ABCA5: variants seen among roughly 807,000 people sequenced by gnomAD.
The protein encoded by ABCA5 is ATP binding cassette subfamily A member 5.
A neutral mutation model predicts 206.0 loss-of-function variants in ABCA5; 163 were observed. The ratio of observed to expected loss-of-function variants is 0.79; its 90% CI spans 0.70 to 0.90. The LOEUF is 0.90. Ranked by LOEUF, ABCA5 falls within the 40% of genes least tolerant of loss-of-function variation. The pLI is 0.00. For synonymous variants in ABCA5, 609 were observed against 613.8 expected (o/e 0.99, Z 0.11); for missense variants, 1,859 against 1,912.9 (o/e 0.97, Z 0.53).
intron 1 of ABCA5, among the ~76,000 whole-genome samples, chr17:69,323,930 T>G (rs2075882185): frequency 6.6e-6 from 1 of 152,184 alleles, no homozygotes; most frequent in Non-Finnish European, 1.5e-5. Context: ...TATATGAAAT[T>G]CAAATTTCAG....
At chr17:69,261,591 T>A in intron 25 of ABCA5, 44 bp downstream of exon 25, 1 of 901,472 alleles carries the variant, frequency 1.1e-6, no homozygotes, top group Non-Finnish European at 1.7e-6. Context: ...TTCATGTTAA[T>A]TAAACTGCTA....
chr17:69,253,747 A>G, intron 33 of ABCA5, 47 bp downstream of exon 33: 1 of 1,580,890 alleles, frequency 6.3e-7, no homozygotes, highest in East Asian at 2.2e-5. Flanking sequence ...TCAGGTACTA[A>G]ACTATCAATA....
At chr17:69,310,517 C>A (rs1438336984) in intron 3 of ABCA5, among the ~76,000 whole-genome samples, 1 of 152,114 alleles carries the variant, frequency 6.6e-6, no homozygotes, top group African/African-American at 2.4e-5. Flanking sequence ...CAATCCTTCT[C>A]AGAAACTAAA....
chr17:69,273,867 C>T, intron 20 of ABCA5, 92 bp downstream of exon 20: 1 of 1,265,482 alleles, frequency 7.9e-7, no homozygotes, highest in Admixed American at 2.5e-5. Flanking sequence ...ATGCCTTTAC[C>T]TTAAATATAG....
chr17:69,307,062 A>T, intron 5 of ABCA5, 108 bp from the exon 6 acceptor site: 2 of 564,638 alleles, frequency 3.5e-6, no homozygotes, highest in Non-Finnish European at 5.6e-6. Context: ...TAGTACAAAT[A>T]CAATCCTCAA....
intron 11 of ABCA5, among the ~76,000 whole-genome samples, chr17:69,293,706 T>G (rs1349439805): frequency 3.3e-5 from 5 of 152,116 alleles, no homozygotes; most frequent in Non-Finnish European, 5.9e-5. Flanking sequence ...AGCTCAAGAC[T>G]GAAACTTCAA....
At chr17:69,321,206 TA>T (rs150343152) in intron 1 of ABCA5, among the ~76,000 whole-genome samples, 2,361 of 152,078 alleles carry the variant, frequency 0.016, 54 homozygotes, top group African/African-American at 0.054. Flanking sequence ...CACCCAAAAC[TA>T]AAGGGTTAAT....
intron 11 of ABCA5, among the ~76,000 whole-genome samples, chr17:69,292,120 A>C (rs189277360): frequency 8.0e-4 from 122 of 151,856 alleles, no homozygotes; most frequent in African/African-American, 2.9e-3. Flanking sequence ...AAAACAAACA[A>C]ACAACAACAA....
In ABCA5 at chr17:69,247,656, G is replaced by T. The variant is rs1463257759; in HGVS notation, c.4822-12C>A. 5 of 1,493,968 alleles carry T rather than the reference G, an allele frequency of 3.3e-6. No homozygotes were observed. In the Admixed American group the frequency reaches 7.2e-5, roughly 21 times the overall value. The allele number at this position is 1,493,968 out of a possible 1,614,324, so 92.5% of individuals were successfully genotyped here. A position where few individuals can be genotyped will look rare whatever the true frequency, so the allele number is the denominator to read the frequency against. On this transcript the variant is annotated splice_polypyrimidine_tract_variant and intron_variant, in intron 38 of 38. Coordinates refer to ENST00000392676, the MANE Select transcript of ABCA5 (RefSeq NM_172232.4). Reference sequence around the variant, plus strand: ...AGTTCTACAAAAACCTAGGTGAAAAGAAATAAATGAATACAGTATGCTGTA... The same window carrying T: ...AGTTCTACAAAAACCTAGGTGAAAATAAATAAATGAATACAGTATGCTGTA...
intron 4 of ABCA5, among the ~76,000 whole-genome samples, chr17:69,308,727 G>C (rs1334435932): frequency 6.6e-6 from 1 of 152,012 alleles, no homozygotes; most frequent in Non-Finnish European, 1.5e-5. Context: ...TCAAAGTTAA[G>C]CAAACAGGAA....
intron 10 of ABCA5, among the ~76,000 whole-genome samples, chr17:69,296,833 C>T (rs2075588165): frequency 1.3e-5 from 2 of 152,062 alleles, no homozygotes; most frequent in Admixed American, 1.3e-4. Flanking sequence ...GGCATGGTGG[C>T]GCATGCCTGT....
At chr17:69,320,594 T>C (rs1018782466) in intron 1 of ABCA5, among the ~76,000 whole-genome samples, 2 of 152,196 alleles carry the variant, frequency 1.3e-5, no homozygotes, top group African/African-American at 4.8e-5. Flanking sequence ...AAATACATGG[T>C]TTAGCTGTTT....
intron 24 of ABCA5, among the ~76,000 whole-genome samples, chr17:69,263,839 G>T (rs1216068513): frequency 6.6e-6 from 1 of 151,804 alleles, no homozygotes; most frequent in Admixed American, 6.6e-5. Flanking sequence ...TGGGACTACA[G>T]GCGCATGCCA....
In ABCA5 at chr17:69,313,311, A is replaced by G. The variant is rs903013591; in HGVS notation, c.103-15T>C. ...AAAAGAATTTCCTACAATAAAAGAA[A>G]CAAAGTAATTACAAAGTATAACAAT... On this transcript the variant is annotated splice_polypyrimidine_tract_variant and intron_variant, in intron 2 of 38. Coordinates refer to ENST00000392676, the MANE Select transcript of ABCA5 (RefSeq NM_172232.4). 3.3e-6 allele frequency: 4 copies of G among 1,213,262 alleles called. No individual in the cohort carries two copies. Among genetic ancestry groups the G allele is most frequent in the Non-Finnish European group, 3.5e-6 (3 of 867,770 alleles). The allele number at this position is 1,213,262 out of a possible 1,614,324, so 75.2% of individuals were successfully genotyped here. A position where few individuals can be genotyped will look rare whatever the true frequency, so the allele number is the denominator to read the frequency against.
chr17:69,285,816 G>T, intron 17 of ABCA5, 82 bp downstream of exon 17: 1 of 1,398,536 alleles, frequency 7.2e-7, no homozygotes, highest in Non-Finnish European at 9.6e-7. Context: ...ACATGGAGAA[G>T]GAAACAAAAA....
intron 1 of ABCA5, among the ~76,000 whole-genome samples, chr17:69,315,782 CAA>C (rs60830676): frequency 2.3e-5 from 3 of 132,486 alleles, no homozygotes; most frequent in Non-Finnish European, 3.2e-5. Context: ...GGATCCGCCT[CAA>C]AAAAAAAAAA....
At position 69,313,174 on chromosome 17, in the gene ABCA5, A is replaced by T; in HGVS notation, c.225T>A (p.Ser75=). 6.2e-7 allele frequency: 1 copy of T among 1,608,742 alleles called. No homozygotes were observed. ...CTGGAGTATATCCAAGAATTAGATT[A>T]GAAAGAGTAAACTTGTCCATAGGAT... is the stretch of plus-strand genomic sequence containing the variant. The part of the protein sequence containing the change: ...ELNPMDKFTL[S]NLILGYTPVT... Residue 75 remains serine (S), a synonymous_variant, in exon 3 of 39, where the codon TCT becomes TCA. Coordinates refer to ENST00000392676, the MANE Select transcript of ABCA5 (RefSeq NM_172232.4).
At position 69,308,132 on chromosome 17, in the gene ABCA5, CT is replaced by C. The variant is rs34802429; in HGVS notation, c.558+147del. On this transcript the variant is annotated intron_variant, in intron 5 of 38. Coordinates refer to ENST00000392676, the MANE Select transcript of ABCA5 (RefSeq NM_172232.4). ...AAAAGTACCAAATCAGAAAATATGA[CT>C]TTTTTATCTTTTTTCTCAAAGGAGT... is the stretch of plus-strand genomic sequence containing the variant. 129 of 256,312 alleles carry C rather than the reference CT, an allele frequency of 5.0e-4. No homozygotes were observed. In the African/African-American group the frequency reaches 0.013, roughly 25 times the overall value. The allele number at this position is 256,312 out of a possible 1,614,324, so 15.9% of individuals were successfully genotyped here.
chr17:69,303,829 T>TATATAC lies in ABCA5; in HGVS notation c.930+839_930+840insGTATAT, dbSNP rs1567778310. 4.9e-3 allele frequency among the ~76,000 whole-genome samples: 71 copies of TATATAC among 14,584 alleles called. 5 individuals carry two copies. Among genetic ancestry groups the TATATAC allele is most frequent in the African/African-American group, 0.011 (71 of 6,618 alleles). The allele number at this position is 14,584 out of a possible 152,430, so 9.6% of individuals were successfully genotyped here. A position where few individuals can be genotyped will look rare whatever the true frequency, so the allele number is the denominator to read the frequency against. Reference sequence around the variant, plus strand: ...ATATACATACATATATATATATGTATATATATATATACATACATATATATA... The same window carrying TATATAC: ...ATATACATACATATATATATATGTATATATACATATATATATACATACATATATATA... On this transcript the variant is annotated intron_variant, in intron 7 of 38. Transcript: ENST00000392676.
Sources: allele counts gnomAD v4.1 joint callset (sites outside exome capture counted in the v4.1 genomes callset), GRCh38; gene constraint gnomAD v4.1.1; transcripts MANE v1.5; gene names NCBI Gene and HGNC (gene_info 2026-07-23, HGNC 2026-07-21).